Variants in FAM200B observed in about 807,000 individuals in gnomAD.
FAM200B encodes the protein zinc finger BED-type containing 11, also known as protein FAM200B.
A neutral mutation model predicts 33.1 loss-of-function variants in FAM200B; 32 were observed. The ratio of observed to expected loss-of-function variants is 0.97; its 90% confidence interval spans 0.73 to 1.30. FAM200B has a LOEUF of 1.30. Ranked by LOEUF, FAM200B falls within the 50% of genes most tolerant of loss-of-function variation. The probability of loss-of-function intolerance (pLI) is 0.00; values close to 1 mark genes in which losing one functional copy is unlikely to be tolerated. For missense variants in FAM200B, 741 were observed against 754.0 expected (o/e 0.98, Z 0.20); for synonymous variants, 240 against 264.8 (o/e 0.91, Z 0.91).
At chr4:15,656,954 A>C in the FAM200B span, among the ~76,000 whole-genome samples, 1 of 152,198 alleles carries the variant, frequency 6.6e-6, no homozygotes, top group Non-Finnish European at 1.5e-5. Context: ...CAGTACCCCC[A>C]GAGTCATTGC....
chr4:15,652,530 A>T, the FAM200B span, among the ~76,000 whole-genome samples: 441 of 152,342 alleles, frequency 2.9e-3, 6 homozygotes, highest in African/African-American at 0.01. Context: ...CAAAGTATTA[A>T]ATCGGGTATT....
At chr4:15,683,003 G>C (rs111623988) in intron 1 of FAM200B, among the ~76,000 whole-genome samples, 2 of 152,112 alleles carry the variant, frequency 1.3e-5, no homozygotes, top group Non-Finnish European at 2.9e-5. Context: ...TGCTTTTCCA[G>C]TTATGAGGAA....
the FAM200B span, chr4:15,659,685 G>C: frequency 1.0e-6 from 1 of 975,206 alleles, no homozygotes. Flanking sequence ...TTCAGACAGA[G>C]AAGAGCCTTC....
chr4:15,642,934 C>CT, the FAM200B span, among the ~76,000 whole-genome samples: 1 of 152,120 alleles, frequency 6.6e-6, no homozygotes. Flanking sequence ...TTCATCCTCC[C>CT]TTTAAGTATA....
chr4:15,680,044 AGTAT>A (rs1244418138), upstream of FAM200B, among the ~76,000 whole-genome samples: 4 of 152,148 alleles, frequency 2.6e-5, no homozygotes, highest in African/African-American at 4.8e-5. Flanking sequence ...TACAAAATGG[AGTAT>A]GTGACAGGAA....
At chr4:15,672,800 A>AT in the FAM200B span, among the ~76,000 whole-genome samples, 1 of 152,174 alleles carries the variant, frequency 6.6e-6, no homozygotes, top group Non-Finnish European at 1.5e-5. Flanking sequence ...AAACTTAAAA[A>AT]TTTTTTTAAA....
At position 15,687,755 on chromosome 4, in the gene FAM200B, T is replaced by A; in HGVS notation, c.778T>A (p.Phe260Ile). 6.4e-7 allele frequency: 1 copy of A among 1,550,550 alleles called. No homozygotes were observed. Among genetic ancestry groups the A allele is most frequent in the Non-Finnish European group, 8.7e-7 (1 of 1,146,456 alleles). Reference sequence around the variant, plus strand: ...TGATTTTTTGGAGGATTTTTTGTGTTTTTTAAATTTAACCTCACACCTAAG... The same window carrying A: ...TGATTTTTTGGAGGATTTTTTGTGTATTTTAAATTTAACCTCACACCTAAG... ...QDDFLEDFLC[F>I]LNLTSHLSGL... Residue 260 changes from phenylalanine to isoleucine, a missense_variant, in exon 2 of 2, where the codon TTT (phenylalanine) becomes ATT (isoleucine). Coordinates refer to ENST00000422728, the MANE Select transcript of FAM200B (RefSeq NM_001145191.2).
At chr4:15,655,336 A>G in the FAM200B span, 18 of 1,316,172 alleles carry the variant, frequency 1.4e-5, no homozygotes, top group Non-Finnish European at 1.6e-5. Flanking sequence ...CCGCCTCTCC[A>G]TAGACACCCT....
At chr4:15,663,794 A>G in the FAM200B span, among the ~76,000 whole-genome samples, 10 of 152,318 alleles carry the variant, frequency 6.6e-5, no homozygotes, top group African/African-American at 2.4e-4. Context: ...TAAGTCCAAA[A>G]GTGAACTCAC....
the FAM200B span, among the ~76,000 whole-genome samples, chr4:15,668,328 TAATC>T: frequency 6.6e-6 from 1 of 151,764 alleles, no homozygotes; most frequent in African/African-American, 2.4e-5. Context: ...AAAATAAAAA[TAATC>T]AAGAATGATG....
the FAM200B span, among the ~76,000 whole-genome samples, chr4:15,671,141 C>T: frequency 2.0e-5 from 3 of 151,876 alleles, no homozygotes; most frequent in Non-Finnish European, 4.4e-5. Context: ...CCAGGCTGGT[C>T]TCGAACTCCT....
the FAM200B span, among the ~76,000 whole-genome samples, chr4:15,655,775 C>T: frequency 1.3e-5 from 2 of 152,216 alleles, no homozygotes; most frequent in East Asian, 3.9e-4. Flanking sequence ...GTGACCAATG[C>T]TTCTGGCCAG....
At position 15,688,940 on chromosome 4, in the gene FAM200B, C is replaced by T. The variant is rs1719159785; in HGVS notation, c.1963C>T (p.His655Tyr). ...DWNELMNRQA[H>Y]PS ...GAATGAACTTATGAACAGGCAAGCA[C>T]ACCCATCATAGTAAATAAAAATCTT... Residue 655 changes from histidine (H) to tyrosine (Y), a missense_variant, in exon 2 of 2, where the codon CAC becomes TAC. Physicochemically the swap from His to Tyr is moderately conservative, Grantham distance 83 (BLOSUM62 2). Transcript: ENST00000422728. 7.4e-6 allele frequency: 11 copies of T among 1,486,744 alleles called. No individual in the cohort carries two copies. Among genetic ancestry groups the T allele is most frequent in the Non-Finnish European group, 9.9e-6 (11 of 1,114,050 alleles). The allele number at this position is 1,486,744 out of a possible 1,614,324, so 92.1% of individuals were successfully genotyped here. A position where few individuals can be genotyped will look rare whatever the true frequency, so the allele number is the denominator to read the frequency against.
chr4:15,677,873 G>T (rs990411182), upstream of FAM200B, among the ~76,000 whole-genome samples: 4 of 152,162 alleles, frequency 2.6e-5, no homozygotes, highest in African/African-American at 9.7e-5. Context: ...AAGTAGGTTG[G>T]GAATACCTGA....
At chr4:15,658,415 T>G in the FAM200B span, among the ~76,000 whole-genome samples, 1 of 152,336 alleles carries the variant, frequency 6.6e-6, no homozygotes, top group East Asian at 1.9e-4. Context: ...AAGGCAGTAT[T>G]AAGAAGTGGG....
At chr4:15,682,475 G>T (rs1303253573) in intron 1 of FAM200B, among the ~76,000 whole-genome samples, 2 of 152,138 alleles carry the variant, frequency 1.3e-5, no homozygotes, top group Non-Finnish European at 2.9e-5. Context: ...GCTCTACCCC[G>T]TCTCATTCTC....
At chr4:15,654,336 G>T in the FAM200B span, among the ~76,000 whole-genome samples, 1 of 152,164 alleles carries the variant, frequency 6.6e-6, no homozygotes, top group African/African-American at 2.4e-5. Flanking sequence ...TGACAAATAC[G>T]TGGAATGTTA....
the FAM200B span, among the ~76,000 whole-genome samples, chr4:15,660,407 CAG>C: frequency 9.2e-5 from 14 of 152,204 alleles, no homozygotes; most frequent in African/African-American, 3.1e-4. Flanking sequence ...AAACTCAAAA[CAG>C]AGTACCAAAA....
chr4:15,656,449 C>T, the FAM200B span: 1 of 367,862 alleles, frequency 2.7e-6, no homozygotes, highest in South Asian at 2.0e-5. Context: ...ACCAGATATG[C>T]TGTGTTCACC....
Sources: allele counts gnomAD v4.1 joint callset (sites outside exome capture counted in the v4.1 genomes callset), GRCh38; gene constraint gnomAD v4.1.1; transcripts MANE v1.5; gene names NCBI Gene and HGNC (gene_info 2026-07-23, HGNC 2026-07-21).